Variants in GLB1L3 observed in about 807,000 individuals in gnomAD.
GLB1L3 encodes beta-galactosidase-1-like protein 3.
A neutral mutation model predicts 89.5 loss-of-function variants in GLB1L3; 89 were observed. That is an observed-to-expected ratio of 0.99 (90% CI 0.84 to 1.19). The LOEUF is 1.19. GLB1L3 is among the 50% of genes most tolerant of loss of function. The probability of loss-of-function intolerance (pLI) is 0.00; values close to 1 mark genes in which losing one functional copy is unlikely to be tolerated. For missense variants in GLB1L3, 812 were observed against 813.3 expected (o/e 1.00, Z 0.02); for synonymous variants, 314 against 312.3 (o/e 1.01, Z -0.06).
At chr11:134,303,882 T>C (rs986480198) in intron 9 of GLB1L3, among the ~76,000 whole-genome samples, 2 of 152,144 alleles carry the variant, frequency 1.3e-5, no homozygotes, top group Non-Finnish European at 2.9e-5. Flanking sequence ...TCTTCCCGGC[T>C]CTGAATTCTA....
chr11:134,308,577 C>CCAT (rs1942525532), intron 10 of GLB1L3, among the ~76,000 whole-genome samples: 1 of 136,394 alleles, frequency 7.3e-6, no homozygotes, highest in South Asian at 2.4e-4. Context: ...ACCACCATCA[C>CCAT]CATCACCATC....
At chr11:134,308,500 TACCACCACCAC>T (rs1942492221) in intron 10 of GLB1L3, among the ~76,000 whole-genome samples, 3 of 15,452 alleles carry the variant, frequency 1.9e-4, no homozygotes, top group Admixed American at 1.1e-3. Context: ...CACCACCAAA[TACCACCACCAC>T]CACCACCATG....
intron 10 of GLB1L3, among the ~76,000 whole-genome samples, chr11:134,308,372 C>T (rs1942414874): frequency 2.3e-5 from 2 of 86,346 alleles, no homozygotes; most frequent in Admixed American, 1.2e-4. Context: ...CCACCACCAC[C>T]ACCACCATCA....
chr11:134,313,957 C>T lies in GLB1L3; in HGVS notation c.1596C>T (p.Val532=). 6.2e-7 allele frequency: 1 copy of T among 1,611,070 alleles called. No homozygotes were observed. The highest frequency in any genetic ancestry group is 8.5e-7 in the Non-Finnish European group (1 of 1,177,622). ...CATCTGCAGGAATAACTGGATCTGT[C>T]AGCATCAATAACTCTTCCCTGGAGG... ...QNEQKGITGS[V]SINNSSLEGF... The change falls in exon 17 of 20, where the codon GTC becomes GTT. Residue 532 remains valine, a synonymous_variant. Transcript: ENST00000431683.
At chr11:134,296,116 GA>G (rs1461688745) in intron 9 of GLB1L3, among the ~76,000 whole-genome samples, 3 of 152,064 alleles carry the variant, frequency 2.0e-5, no homozygotes, top group African/African-American at 7.2e-5. Flanking sequence ...GGCCATCAGA[GA>G]AATGCAAATC....
At chr11:134,311,218 G>A in intron 13 of GLB1L3, 48 bp downstream of exon 13, 1 of 1,321,110 alleles carries the variant, frequency 7.6e-7, no homozygotes, top group East Asian at 2.3e-5. Flanking sequence ...TGGAGGGATG[G>A]GGGAGGGATT....
intron 10 of GLB1L3, among the ~76,000 whole-genome samples, chr11:134,308,238 TCACCATCACCACCATCACCAC>T (rs1942346422): frequency 3.8e-5 from 1 of 26,300 alleles, no homozygotes; most frequent in Non-Finnish European, 7.2e-5. Flanking sequence ...ACCACCACCA[TCACCATCACCACCATCACCAC>T]CACCACCACC....
intron 5 of GLB1L3, among the ~76,000 whole-genome samples, chr11:134,282,429 T>A (rs1014729779): frequency 2.0e-5 from 3 of 152,084 alleles, no homozygotes; most frequent in African/African-American, 7.2e-5. Flanking sequence ...CTCCCACTCT[T>A]CTTTCCCCAT....
chr11:134,309,424 A>C (rs1197905857), intron 10 of GLB1L3, among the ~76,000 whole-genome samples: 1 of 152,044 alleles, frequency 6.6e-6, no homozygotes, highest in African/African-American at 2.4e-5. Flanking sequence ...ACATTGTTTC[A>C]TTATAAAATT....
chr11:134,292,820 G>A, intron 8 of GLB1L3: 1 of 452,580 alleles, frequency 2.2e-6, no homozygotes, highest in Non-Finnish European at 4.0e-6. Flanking sequence ...AGGAAGCCTG[G>A]CACACTGGAA....
At chr11:134,291,168 G>T (rs1404781255) in intron 7 of GLB1L3, among the ~76,000 whole-genome samples, 2 of 152,106 alleles carry the variant, frequency 1.3e-5, no homozygotes, top group Non-Finnish European at 2.9e-5. Context: ...CATCCATGGA[G>T]GATTGATTCC....
At chr11:134,285,908 G>GTTTT (rs1162065552) in intron 6 of GLB1L3, among the ~76,000 whole-genome samples, 3 of 130,124 alleles carry the variant, frequency 2.3e-5, no homozygotes, top group South Asian at 2.5e-4. Flanking sequence ...TGTGAGTTCT[G>GTTTT]TTTTTTTTTT....
chr11:134,313,534 T>G, intron 16 of GLB1L3, 60 bp downstream of exon 16: 19 of 959,404 alleles, frequency 2.0e-5, no homozygotes, highest in Admixed American at 6.4e-5. Flanking sequence ...GGCTATGCAC[T>G]GGAGTCGGGG....
At chr11:134,310,740 T>C (rs1942688662) in intron 12 of GLB1L3, 89 bp downstream of exon 12, 2 of 977,088 alleles carry the variant, frequency 2.0e-6, no homozygotes, top group Admixed American at 2.0e-5. Flanking sequence ...GGGTCTCCCT[T>C]GTGGGCAGCA....
Position 134,314,211 on chromosome 11 carries a change from A to G in GLB1L3, c.1668-119A>G, listed in dbSNP as rs981064583. On this transcript the variant is annotated intron_variant, in intron 17 of 19. Transcript: ENST00000431683. Reference sequence around the variant, plus strand: ...TCCTGATTCTGATCTTAACGCATCTAGTCTACTCTATCTCATTGAAACAGA... The same window carrying G: ...TCCTGATTCTGATCTTAACGCATCTGGTCTACTCTATCTCATTGAAACAGA... 4.0e-6 allele frequency: 3 copies of G among 743,724 alleles called. No individual in the cohort carries two copies. The African/African-American group carries it at 5.3e-5, about 13-fold the overall frequency. The allele number at this position is 743,724 out of a possible 1,614,324, so 46.1% of individuals were successfully genotyped here.
intron 10 of GLB1L3, among the ~76,000 whole-genome samples, chr11:134,308,500 TACCACC>T (rs146020769): frequency 0.019 from 291 of 15,204 alleles, 7 homozygotes; most frequent in African/African-American, 0.057. Flanking sequence ...CACCACCAAA[TACCACC>T]ACCACCACCA....
Position 134,312,483 on chromosome 11 carries a change from G to A in GLB1L3, c.1422G>A (p.Val474=). 1 of 1,611,408 alleles carries A rather than the reference G, an allele frequency of 6.2e-7. No homozygotes were observed. Among genetic ancestry groups the A allele is most frequent in the South Asian group, 1.1e-5 (1 of 91,040 alleles). Residue 474 remains valine, a synonymous_variant, in exon 14 of 20, where the codon GTG becomes GTA. Coordinates refer to ENST00000431683, the MANE Select transcript of GLB1L3 (RefSeq NM_001080407.3). The stretch of plus-strand genomic sequence containing the variant: ...GCCTCCGTGCCCACGCTCATGACGT[G>A]GCACAGGTAGGGCCAGCAGGCTGTC... ...GGRLRAHAHD[V]AQVFLDETMI...
At chr11:134,279,369 T>TC (rs1940560196) in intron 3 of GLB1L3, among the ~76,000 whole-genome samples, 2 of 140,388 alleles carry the variant, frequency 1.4e-5, no homozygotes, top group East Asian at 2.0e-4. Flanking sequence ...TTTTTCTTTT[T>TC]TTTTTTTTTT....
At chr11:134,299,990 T>C (rs1941856110) in intron 9 of GLB1L3, among the ~76,000 whole-genome samples, 1 of 152,168 alleles carries the variant, frequency 6.6e-6, no homozygotes. Context: ...CTAGAGAAGA[T>C]GGGCTGGGAG....
Sources: allele counts gnomAD v4.1 joint callset (sites outside exome capture counted in the v4.1 genomes callset), GRCh38; gene constraint gnomAD v4.1.1; transcripts MANE v1.5; gene names NCBI Gene and HGNC (gene_info 2026-07-23, HGNC 2026-07-21).